Variants in NCMAP observed in about 807,000 individuals in gnomAD.
NCMAP encodes noncompact myelin-associated protein.
NCMAP carries 8 observed loss-of-function variants against 7.8 expected under a neutral mutation model. The ratio of observed to expected loss-of-function variants is 1.02; its 90% CI spans 0.60 to 1.84. The LOEUF (loss-of-function observed/expected upper bound fraction) is 1.84, where lower values mean the gene tolerates loss of function less well. Among genes scored for constraint, NCMAP ranks in the 40% most tolerant of loss-of-function variants. NCMAP has a pLI of 0.00. For missense variants in NCMAP, 112 were observed against 131.4 expected (o/e 0.85, Z 0.72); for synonymous variants, 41 against 52.9 (o/e 0.78, Z 0.98).
chr1:24,591,899 C>T (rs985800965), intron 1 of NCMAP, among the ~76,000 whole-genome samples: 2 of 152,202 alleles, frequency 1.3e-5, no homozygotes, highest in African/African-American at 2.4e-5. Context: ...GTGAAGCCCC[C>T]GGGGCAGGCC....
At chr1:24,556,656 T>C (rs1650904913) in intron 1 of NCMAP, among the ~76,000 whole-genome samples, 1 of 151,892 alleles carries the variant, frequency 6.6e-6, no homozygotes, top group South Asian at 2.1e-4. Context: ...CCCAGGGCCG[T>C]AGTTTCCATC....
chr1:24,579,865 G>A (rs1364258924), intron 1 of NCMAP, among the ~76,000 whole-genome samples: 2 of 152,240 alleles, frequency 1.3e-5, no homozygotes, highest in African/African-American at 2.4e-5. Flanking sequence ...TAGTCAATCA[G>A]TATCTGTAGG....
chr1:24,597,561 G>A (rs1323246894), intron 2 of NCMAP, among the ~76,000 whole-genome samples: 2 of 98,038 alleles, frequency 2.0e-5, no homozygotes, highest in Non-Finnish European at 4.0e-5. Context: ...GAGAAGGGGG[G>A]GAGGTTCTCC....
rs1381820819 is a variant in NCMAP at position 24,607,023 on chromosome 1, C to T, written c.*1276C>T. The T allele has an allele frequency of 6.7e-6, 1 of 150,188 alleles. No individual in the cohort carries two copies. The highest frequency in any genetic ancestry group is 1.5e-5 in the Non-Finnish European group (1 of 67,764). The allele number at this position is 150,188 out of a possible 1,614,324, so 9.3% of individuals were successfully genotyped here. A position where few individuals can be genotyped will look rare whatever the true frequency, so the allele number is the denominator to read the frequency against. On this transcript the variant is annotated 3_prime_UTR_variant, in exon 4 of 4. Transcript: ENST00000374392. Reference sequence around the variant, plus strand: ...TTTTTTTTTTTTTTTGAGACAGAGCCTCAATCTGTCACCTGGGCTGGAGTG... The same window carrying T: ...TTTTTTTTTTTTTTTGAGACAGAGCTTCAATCTGTCACCTGGGCTGGAGTG...
chr1:24,556,430 T>A (rs1185885932), intron 1 of NCMAP, among the ~76,000 whole-genome samples: 1 of 152,006 alleles, frequency 6.6e-6, no homozygotes, highest in African/African-American at 2.4e-5. Flanking sequence ...CGTTTCCTTG[T>A]CCCCTCCCCA....
intron 1 of NCMAP, among the ~76,000 whole-genome samples, chr1:24,560,966 C>T (rs56959961): frequency 0.3 from 45,790 of 151,678 alleles, 7,174 homozygotes; most frequent in Admixed American, 0.4. Flanking sequence ...TTCCATGGTG[C>T]CCTTGGGGAT....
chr1:24,596,234 CT>C (rs1256094502), intron 2 of NCMAP, among the ~76,000 whole-genome samples: 1 of 152,138 alleles, frequency 6.6e-6, no homozygotes, highest in Non-Finnish European at 1.5e-5. Context: ...GATCGTGCCA[CT>C]GCACTCCAGC....
Position 24,607,256 on chromosome 1 carries a change from C to T in NCMAP, c.*1509C>T, listed in dbSNP as rs901128003. 2 of 152,042 alleles carry T rather than the reference C, an allele frequency of 1.3e-5. No homozygotes were observed. The highest frequency in any genetic ancestry group is 4.8e-5 in the African/African-American group (2 of 41,386). 9.4% of individuals were successfully genotyped at this position (152,042 alleles called of 1,614,324 possible). On this transcript the variant is annotated 3_prime_UTR_variant, in exon 4 of 4. Coordinates refer to ENST00000374392, the MANE Select transcript of NCMAP (RefSeq NM_001010980.5). ...CCTCAAGTGATCCTTCTGCTTTGGC[C>T]TCCCAAAGTGCTGGGATTACAGGCA...
At chr1:24,603,584 G>A (rs1232765343) in intron 3 of NCMAP, among the ~76,000 whole-genome samples, 1 of 152,132 alleles carries the variant, frequency 6.6e-6, no homozygotes, top group African/African-American at 2.4e-5. Context: ...TCTTTGGTTT[G>A]TCAAAATCAA....
chr1:24,602,931 T>G (rs1050351942), intron 3 of NCMAP, among the ~76,000 whole-genome samples: 1 of 151,852 alleles, frequency 6.6e-6, no homozygotes, highest in East Asian at 1.9e-4. Context: ...TCCCAGCTAC[T>G]TGGGAGGCTG....
intron 1 of NCMAP, among the ~76,000 whole-genome samples, chr1:24,581,237 C>T (rs1294662804): frequency 6.6e-6 from 1 of 152,048 alleles, no homozygotes; most frequent in African/African-American, 2.4e-5. Context: ...CTGCCTCAGC[C>T]TCCCAAACAG....
chr1:24,564,518 AAAAAAAAAAAAAAAC>A (rs1651156866), intron 1 of NCMAP, among the ~76,000 whole-genome samples: 1 of 137,068 alleles, frequency 7.3e-6, no homozygotes, highest in Admixed American at 7.7e-5. Flanking sequence ...TGTCTCAAAA[AAAAAAAAAAAAAAAC>A]AAAAAAAAAC....
intron 1 of NCMAP, among the ~76,000 whole-genome samples, chr1:24,572,176 G>C (rs2148928030): frequency 6.7e-6 from 1 of 150,168 alleles, no homozygotes; most frequent in East Asian, 2.0e-4. Context: ...AAAGTTCTCT[G>C]GGGTGGCTGT....
intron 1 of NCMAP, chr1:24,563,503 C>A (rs6667854): frequency 0.43 from 53,269 of 124,738 alleles, 9,926 homozygotes; most frequent in Middle Eastern, 0.5. Context: ...GCCTGGGCAA[C>A]AATAAAGAAA....
chr1:24,603,184 C>G (rs1437628782), intron 3 of NCMAP, among the ~76,000 whole-genome samples: 2 of 151,996 alleles, frequency 1.3e-5, no homozygotes, highest in Non-Finnish European at 2.9e-5. Flanking sequence ...AACAACCGCA[C>G]GAGGTGGGTA....
chr1:24,572,261 G>A (rs1016858612), intron 1 of NCMAP, among the ~76,000 whole-genome samples: 4 of 150,718 alleles, frequency 2.7e-5, no homozygotes, highest in Admixed American at 2.0e-4. Context: ...CACTGAGGGC[G>A]TTCCCCCACT....
At chr1:24,561,291 G>T (rs529962952) in intron 1 of NCMAP, among the ~76,000 whole-genome samples, 1 of 152,012 alleles carries the variant, frequency 6.6e-6, no homozygotes, top group African/African-American at 2.4e-5. Context: ...AGGTTGCAGT[G>T]AGCCGAGATC....
intron 3 of NCMAP, 48 bp from the exon 4 acceptor site, chr1:24,605,558 G>A (rs375899123): frequency 4.4e-6 from 7 of 1,600,068 alleles, no homozygotes; most frequent in East Asian, 2.2e-5. Flanking sequence ...CATTCCCCGC[G>A]GCATACCAGG....
Position 24,595,877 on chromosome 1 carries a change from A to G in NCMAP, c.82+365A>G, listed in dbSNP as rs1184872154. Among the ~76,000 whole-genome samples the G allele has an allele frequency of 4.1e-5, 6 of 147,774 alleles. No homozygotes were observed. In the East Asian group the frequency reaches 1.2e-3, roughly 29 times the overall value. ...GTTTCCTCATCTATACAATGGGGAT[A>G]TTAAAGAAGCTACCACATAAGGCAG... On this transcript the variant is annotated intron_variant, in intron 2 of 3. Coordinates refer to ENST00000374392, the MANE Select transcript of NCMAP (RefSeq NM_001010980.5).
Sources: allele counts gnomAD v4.1 joint callset (sites outside exome capture counted in the v4.1 genomes callset), GRCh38; gene constraint gnomAD v4.1.1; transcripts MANE v1.5; gene names NCBI Gene and HGNC (gene_info 2026-07-23, HGNC 2026-07-21).